CAPN5: variants seen among roughly 807,000 people sequenced by gnomAD.
CAPN5 encodes the protein calpain-5.
A neutral mutation model predicts 73.0 loss-of-function variants in CAPN5; 54 were observed. The observed-to-expected ratio is 0.74, with a 90% CI of 0.59 to 0.93. CAPN5 has a LOEUF of 0.93. CAPN5 is among the 40% of genes least tolerant of loss of function. The pLI is 0.00. For synonymous variants in CAPN5, 335 were observed against 356.9 expected, an observed-to-expected ratio of 0.94 and a Z score of 0.69; for missense variants, 785 against 882.9, an observed-to-expected ratio of 0.89 and a Z score of 1.41.
In CAPN5 at chr11:77,115,452, G is replaced by A. The variant is rs782513405; in HGVS notation, c.757G>A (p.Ala253Thr). The A allele has an allele frequency of 2.7e-5, 43 of 1,612,558 alleles. No homozygotes were observed. Among genetic ancestry groups the A allele is most frequent in the Middle Eastern group, 1.8e-4 (1 of 5,594 alleles). ...RLACGLVKGH[A>T]YAVTDVRKVR... Reference sequence around the variant, plus strand: ...GGCGTGCGGCCTGGTAAAGGGCCACGCATACGCCGTCACTGATGTGCGCAA... The same window carrying A: ...GGCGTGCGGCCTGGTAAAGGGCCACACATACGCCGTCACTGATGTGCGCAA... Residue 253 changes from alanine (A) to threonine (T), a missense_variant, in exon 6 of 13, where the codon GCA (alanine) becomes ACA (threonine). By Grantham distance (58) the Ala-to-Thr change is moderately conservative. Coordinates refer to ENST00000648180, the MANE Select transcript of CAPN5 (RefSeq NM_004055.5).
intron 1 of CAPN5, chr11:77,071,481 G>A (rs77662939): frequency 2.2e-5 from 8 of 363,902 alleles, no homozygotes; most frequent in African/African-American, 1.2e-4. Flanking sequence ...ACCCTACAAG[G>A]GGGTGGGGCT....
intron 3 of CAPN5, among the ~76,000 whole-genome samples, chr11:77,097,139 G>A (rs1310425421): frequency 4.6e-5 from 7 of 152,056 alleles, no homozygotes; most frequent in East Asian, 3.9e-4. Context: ...GGAGAATGGC[G>A]TGAACCTGGG....
intron 3 of CAPN5, among the ~76,000 whole-genome samples, chr11:77,111,093 C>T (rs570674353): frequency 2.0e-4 from 31 of 152,120 alleles, no homozygotes; most frequent in African/African-American, 5.8e-4. Flanking sequence ...GCTTGGGGGA[C>T]GCCTGTAGCA....
At chr11:77,082,077 C>G (rs1337222804) in intron 1 of CAPN5, among the ~76,000 whole-genome samples, 1 of 152,052 alleles carries the variant, frequency 6.6e-6, no homozygotes, top group East Asian at 1.9e-4. Flanking sequence ...GGGAGGCAGA[C>G]AAGTCATGTG....
chr11:77,102,807 G>A (rs782648249), intron 3 of CAPN5: 1 of 1,523,304 alleles, frequency 6.6e-7, no homozygotes, highest in Non-Finnish European at 8.8e-7. Context: ...GCCCACTTGG[G>A]TCCTTGGCGT....
intron 3 of CAPN5, chr11:77,102,739 C>T: frequency 7.4e-7 from 1 of 1,345,906 alleles, no homozygotes; most frequent in East Asian, 2.5e-5. Context: ...GAGGGAAGGG[C>T]AGAAAGTAGG....
At chr11:77,070,500 G>T (rs1021604422) in intron 1 of CAPN5, among the ~76,000 whole-genome samples, 5 of 152,252 alleles carry the variant, frequency 3.3e-5, no homozygotes, top group Non-Finnish European at 7.3e-5. Flanking sequence ...TGGGGTGACT[G>T]TTGTACAGCG....
At chr11:77,090,514 C>T (rs1361108298) in intron 2 of CAPN5, among the ~76,000 whole-genome samples, 1 of 152,206 alleles carries the variant, frequency 6.6e-6, no homozygotes, top group Non-Finnish European at 1.5e-5. Context: ...TAGGGCATCC[C>T]ATCGGATCCG....
intron 3 of CAPN5, among the ~76,000 whole-genome samples, chr11:77,094,655 G>A (rs911354071): frequency 1.3e-5 from 2 of 152,196 alleles, no homozygotes; most frequent in Admixed American, 1.3e-4. Context: ...CTGGACATCT[G>A]CATCTCCCAG....
rs782372843 is a variant in CAPN5 at position 77,119,094 on chromosome 11, G to A, written c.1232G>A (p.Arg411Gln). ...VLICIQQRPKRSTRREGKGEN... is the reference protein window; with the variant it reads ...VLICIQQRPKQSTRREGKGEN... ...ATCTGCATCCAGCAGCGGCCAAAGCGGTCTACGCGCCGGGAGGGCAAGGGT... is the reference window on the plus strand; with the variant it reads ...ATCTGCATCCAGCAGCGGCCAAAGCAGTCTACGCGCCGGGAGGGCAAGGGT... Residue 411 changes from arginine to glutamine, a missense_variant, in exon 9 of 13, where the codon CGG becomes CAG. Coordinates refer to ENST00000648180, the MANE Select transcript of CAPN5 (RefSeq NM_004055.5). The A allele has an allele frequency of 3.0e-5, 48 of 1,613,940 alleles. No homozygotes were observed. In the Admixed American group the frequency reaches 3.2e-4, roughly 11 times the overall value.
Position 77,116,292 on chromosome 11 carries a change from C to T in CAPN5, c.960C>T (p.Asp320=), listed in dbSNP as rs782454728. The T allele has an allele frequency of 2.9e-5, 46 of 1,613,112 alleles. No individual in the cohort carries two copies. The South Asian group carries it at 4.0e-4, about 14-fold the overall frequency. Residue 320 remains aspartate (D), a synonymous_variant, in exon 7 of 13, where the codon GAC becomes GAT. Transcript: ENST00000648180. ...AGATGGGTGTGACCGTGCAGGACGACGGTGAGTTCTGGTGAGTGTGTATGT... is the reference window on the plus strand; with the variant it reads ...AGATGGGTGTGACCGTGCAGGACGATGGTGAGTTCTGGTGAGTGTGTATGT... ...REKMGVTVQD[D]GEFWMTFEDV...
At chr11:77,087,730 G>T (rs1555035775) in intron 2 of CAPN5, among the ~76,000 whole-genome samples, 1 of 152,072 alleles carries the variant, frequency 6.6e-6, no homozygotes, top group African/African-American at 2.4e-5. Context: ...TCATACACAT[G>T]GGAGGCAGGT....
chr11:77,123,688 G>A lies in CAPN5; in HGVS notation c.1741G>A (p.Val581Ile), dbSNP rs782731621. Residue 581 changes from valine (V) to isoleucine (I), a missense_variant and splice_region_variant, in exon 13 of 13, where the codon GTC (valine) becomes ATC (isoleucine). Coordinates refer to ENST00000648180, the MANE Select transcript of CAPN5 (RefSeq NM_004055.5). ...KKLSQPITVQVWNHRVLKDEF... is the reference protein window; with the variant it reads ...KKLSQPITVQIWNHRVLKDEF... ...CCCATGATCCTCTGTCTCTTCCCAGGTCTGGAACCACCGAGTGCTGAAGGA... is the reference window on the plus strand; with the variant it reads ...CCCATGATCCTCTGTCTCTTCCCAGATCTGGAACCACCGAGTGCTGAAGGA... The A allele has an allele frequency of 1.9e-6, 3 of 1,613,080 alleles. No homozygotes were observed. The highest frequency in any genetic ancestry group is 2.5e-6 in the Non-Finnish European group (3 of 1,179,518).
intron 3 of CAPN5, among the ~76,000 whole-genome samples, 191 bp from the exon 4 acceptor site, chr11:77,112,398 G>A (rs186491196): frequency 5.9e-5 from 9 of 152,266 alleles, no homozygotes; most frequent in Non-Finnish European, 1.3e-4. Context: ...CAAGCCTCGC[G>A]GAGATGGGAA....
intron 2 of CAPN5, 82 bp from the exon 3 acceptor site, chr11:77,093,600 T>C (rs1950175832): frequency 7.0e-7 from 1 of 1,418,666 alleles, no homozygotes; most frequent in Admixed American, 2.1e-5. Flanking sequence ...GTCTGTCACG[T>C]CTGTGTCTGT....
At chr11:77,088,597 C>T (rs539413745) in intron 2 of CAPN5, among the ~76,000 whole-genome samples, 179 of 152,258 alleles carry the variant, frequency 1.2e-3, no homozygotes, top group South Asian at 2.9e-3. Context: ...ATGGAAGTCC[C>T]GTGTCCTTCC....
In CAPN5 at chr11:77,123,849, C is replaced by T; in HGVS notation, c.1902C>T (p.Ser634=). 6.2e-7 allele frequency: 1 copy of T among 1,613,500 alleles called. No homozygotes were observed. The highest frequency in any genetic ancestry group is 8.5e-7 in the Non-Finnish European group (1 of 1,179,858). The part of the protein sequence containing the change: ...PGTVAVHILS[S]TSLMAV The stretch of plus-strand genomic sequence containing the variant: ...CTGTGGCCGTGCACATTCTCAGCAG[C>T]ACCTCCCTCATGGCTGTCTGACACC... The change falls in exon 13 of 13, where the codon AGC becomes AGT. Residue 634 remains serine (S), a synonymous_variant. Transcript: ENST00000648180.
intron 1 of CAPN5, among the ~76,000 whole-genome samples, chr11:77,083,898 G>A (rs1254973616): frequency 6.6e-6 from 1 of 152,212 alleles, no homozygotes; most frequent in African/African-American, 2.4e-5. Context: ...CCTTGCCTTG[G>A]TTTCCCTCAG....
intron 1 of CAPN5, among the ~76,000 whole-genome samples, chr11:77,084,427 G>A (rs1162953601): frequency 1.3e-5 from 2 of 152,306 alleles, no homozygotes; most frequent in Non-Finnish European, 2.9e-5. Context: ...AGGCAGAAAT[G>A]TGCCACTCTC....
Sources: allele counts gnomAD v4.1 joint callset (sites outside exome capture counted in the v4.1 genomes callset), GRCh38; gene constraint gnomAD v4.1.1; transcripts MANE v1.5; gene names NCBI Gene and HGNC (gene_info 2026-07-23, HGNC 2026-07-21).